UNC79: variants seen among roughly 807,000 people sequenced by gnomAD.
The protein encoded by UNC79 is protein unc-79 homolog.
In UNC79, 37 loss-of-function variants were observed where a neutral mutation model predicts 283.1. The ratio of observed to expected loss-of-function variants is 0.13; its 90% confidence interval spans 0.10 to 0.17. The LOEUF is 0.17. Among genes scored for constraint, UNC79 ranks in the 10% least tolerant of loss-of-function variants. The probability of loss-of-function intolerance (pLI) is 1.00; values close to 1 mark genes in which losing one functional copy is unlikely to be tolerated. For missense variants in UNC79, 2,272 were observed against 3,211.1 expected, an observed-to-expected ratio of 0.71 and a Z score of 7.07; for synonymous variants, 1,107 against 1,200.2, an observed-to-expected ratio of 0.92 and a Z score of 1.61.
At chr14:93,616,148 A>G (rs1402080602) in intron 27 of UNC79, among the ~76,000 whole-genome samples, 1 of 152,120 alleles carries the variant, frequency 6.6e-6, no homozygotes, top group African/African-American at 2.4e-5. Context: ...TATTCTGTAT[A>G]GTGGCTACAT....
chr14:93,574,185 C>G (rs1324310458), intron 16 of UNC79, among the ~76,000 whole-genome samples: 1 of 85,568 alleles, frequency 1.2e-5, no homozygotes, highest in Non-Finnish European at 2.6e-5. Flanking sequence ...GGGGATAAGC[C>G]CATACAGCTT....
upstream of UNC79, among the ~76,000 whole-genome samples, chr14:93,428,311 T>C (rs186949365): frequency 6.6e-6 from 1 of 152,264 alleles, no homozygotes; most frequent in East Asian, 1.9e-4. Flanking sequence ...AAAAAGAAGA[T>C]AATTAAAATA....
intron 1 of UNC79, among the ~76,000 whole-genome samples, chr14:93,387,393 T>C: frequency 6.6e-6 from 1 of 152,176 alleles, no homozygotes; most frequent in East Asian, 1.9e-4. Flanking sequence ...AACTTCCTTC[T>C]TAGTTCTGCT....
At chr14:93,546,734 A>G (rs563799261) in intron 14 of UNC79, among the ~76,000 whole-genome samples, 10 of 152,290 alleles carry the variant, frequency 6.6e-5, no homozygotes, top group Admixed American at 3.9e-4. Context: ...ATTCAGTCCT[A>G]TGTAATTCAG....
intron 1 of UNC79, among the ~76,000 whole-genome samples, chr14:93,355,359 C>G (rs1285519068): frequency 6.6e-6 from 1 of 152,202 alleles, no homozygotes; most frequent in Non-Finnish European, 1.5e-5. Context: ...CCACCATACC[C>G]AGCTAATTTT....
intron 1 of UNC79, among the ~76,000 whole-genome samples, chr14:93,442,185 T>G (rs1261963526): frequency 1.3e-5 from 2 of 152,196 alleles, no homozygotes; most frequent in African/African-American, 4.8e-5. Context: ...TGGGTCATGC[T>G]GAAATGATTG....
chr14:93,555,242 A>G (rs912966342), intron 14 of UNC79, among the ~76,000 whole-genome samples: 6 of 152,212 alleles, frequency 3.9e-5, no homozygotes, highest in Admixed American at 1.3e-4. Context: ...TATTTTATTT[A>G]AGCATTTATT....
intron 47 of UNC79, among the ~76,000 whole-genome samples, chr14:93,695,139 T>C (rs1359539147): frequency 6.6e-6 from 1 of 152,164 alleles, no homozygotes; most frequent in African/African-American, 2.4e-5. Flanking sequence ...GTTCCACCTC[T>C]TTGTCTCTCT....
At chr14:93,579,921 A>G (rs2063690437) in intron 18 of UNC79, among the ~76,000 whole-genome samples, 1 of 152,142 alleles carries the variant, frequency 6.6e-6, no homozygotes, top group Admixed American at 6.5e-5. Context: ...AATAATTCCA[A>G]TTGCTTCATC....
chr14:93,581,782 A>T (rs568781288), intron 19 of UNC79, among the ~76,000 whole-genome samples: 16 of 152,110 alleles, frequency 1.1e-4, no homozygotes, highest in Admixed American at 3.3e-4. Context: ...ATGAGCCACC[A>T]TGCCCGGCCA....
intron 14 of UNC79, among the ~76,000 whole-genome samples, chr14:93,553,428 C>T (rs2061997395): frequency 6.6e-6 from 1 of 152,148 alleles, no homozygotes; most frequent in African/African-American, 2.4e-5. Context: ...AAGTTTTTCC[C>T]TCTATTCTAA....
At chr14:93,578,133 T>G (rs1370550340) in intron 18 of UNC79, 70 bp downstream of exon 18, 1 of 1,430,014 alleles carries the variant, frequency 7.0e-7, no homozygotes. Context: ...AGCAATTCTT[T>G]CCATGTGTTG....
chr14:93,468,290 A>C (rs539555276), intron 2 of UNC79, among the ~76,000 whole-genome samples: 9 of 152,322 alleles, frequency 5.9e-5, no homozygotes, highest in Non-Finnish European at 1.0e-4. Context: ...ATGAAGGACA[A>C]GGAAAAAAAA....
intron 1 of UNC79, among the ~76,000 whole-genome samples, chr14:93,462,331 C>T (rs2056988661): frequency 6.6e-6 from 1 of 152,094 alleles, no homozygotes; most frequent in African/African-American, 2.4e-5. Flanking sequence ...ACAAAACACA[C>T]ACACAACAGT....
At chr14:93,343,174 A>G (rs1215438549) in intron 1 of UNC79, among the ~76,000 whole-genome samples, 4 of 152,134 alleles carry the variant, frequency 2.6e-5, no homozygotes, top group East Asian at 3.8e-4. Flanking sequence ...CCAATTTTCT[A>G]TATTAGTCTG....
At chr14:93,548,839 T>C (rs973638871) in intron 14 of UNC79, among the ~76,000 whole-genome samples, 15 of 152,262 alleles carry the variant, frequency 9.9e-5, no homozygotes, top group Non-Finnish European at 1.8e-4. Flanking sequence ...TAGTTCAATT[T>C]ACATATGATT....
downstream of UNC79, chr14:93,707,511 GT>G (rs2075941849): frequency 6.6e-6 from 1 of 152,226 alleles, no homozygotes; most frequent in Non-Finnish European, 1.5e-5. Context: ...TTTAAAACTA[GT>G]TTTTCAACTC....
At chr14:93,430,032 C>G (rs1476605612), upstream of UNC79, among the ~76,000 whole-genome samples, 1 of 152,208 alleles carries the variant, frequency 6.6e-6, no homozygotes, top group Non-Finnish European at 1.5e-5. The surrounding 1 kb of genome is among the most constrained non-coding windows in gnomAD (Gnocchi z 4.6). Context: ...TGGATATCTT[C>G]CTATTAATAT....
At chr14:93,678,022 G>A (rs764347682) in intron 41 of UNC79, among the ~76,000 whole-genome samples, 17 of 152,230 alleles carry the variant, frequency 1.1e-4, no homozygotes, top group Admixed American at 7.8e-4. Flanking sequence ...GGTGTTCTCT[G>A]TAGAATAGTG....
Sources: allele counts gnomAD v4.1 joint callset (sites outside exome capture counted in the v4.1 genomes callset), GRCh38; gene constraint gnomAD v4.1.1; non-coding constraint Gnocchi (gnomAD v3.1); transcripts MANE v1.5; gene names NCBI Gene and HGNC (gene_info 2026-07-23, HGNC 2026-07-21).